FAM20C: variants seen among roughly 807,000 people sequenced by gnomAD.
The protein encoded by FAM20C is FAM20C golgi associated secretory pathway kinase.
FAM20C carries 40 observed loss-of-function variants against 51.5 expected under a neutral mutation model. The ratio of observed to expected loss-of-function variants is 0.78; its 90% confidence interval spans 0.60 to 1.01. The LOEUF (loss-of-function observed/expected upper bound fraction) is 1.01. Ranked by LOEUF, FAM20C falls within the 50% of genes least tolerant of loss-of-function variation. FAM20C has a pLI of 0.00. For missense variants in FAM20C, 861 were observed against 844.7 expected (o/e 1.02, Z -0.24); for synonymous variants, 406 against 380.6 (o/e 1.07, Z -0.78).
chr7:200,772 C>T (rs1394705680), intron 2 of FAM20C, among the ~76,000 whole-genome samples: 2 of 152,178 alleles, frequency 1.3e-5, no homozygotes, highest in South Asian at 2.1e-4. Context: ...TTGGGCAGTG[C>T]TGATGGGGCC....
chr7:236,110 G>A (rs1787839949), intron 3 of FAM20C, among the ~76,000 whole-genome samples: 2 of 152,180 alleles, frequency 1.3e-5, no homozygotes, highest in African/African-American at 4.8e-5. Flanking sequence ...CCCCTTCCGT[G>A]CAGAGGGTTC....
intron 2 of FAM20C, among the ~76,000 whole-genome samples, chr7:205,885 C>G (rs1050148703): frequency 1.3e-4 from 20 of 152,150 alleles, no homozygotes; most frequent in Non-Finnish European, 1.5e-5. Context: ...CCCAGCCAGC[C>G]GCCACCTGAG....
intron 3 of FAM20C, chr7:229,506 C>T (rs1787577645): frequency 6.3e-6 from 1 of 157,676 alleles, no homozygotes; most frequent in South Asian, 1.9e-4. Flanking sequence ...GCTCGCCGTC[C>T]TCACGCAAAC....
chr7:218,139 A>G (rs1766502181), intron 3 of FAM20C, among the ~76,000 whole-genome samples: 1 of 152,170 alleles, frequency 6.6e-6, no homozygotes, highest in Non-Finnish European at 1.5e-5. Flanking sequence ...AAACGGGGTC[A>G]CACGAGCTGC....
Position 193,613 on chromosome 7 carries a change from G to C in FAM20C, c.414G>C (p.Pro138=). 1 of 1,534,438 alleles carries C rather than the reference G, an allele frequency of 6.5e-7. No individual in the cohort carries two copies. Among genetic ancestry groups the C allele is most frequent in the Non-Finnish European group, 8.8e-7 (1 of 1,140,998 alleles). The change falls in exon 1 of 10, where the codon CCG becomes CCC. Residue 138 remains proline, a synonymous_variant. Coordinates refer to ENST00000313766, the MANE Select transcript of FAM20C (RefSeq NM_020223.4). ...GACCCCACGACCCCGCGCACCGGCCGCTGCTGCGAGACCCCGGCCCGCGTC... is the reference window on the plus strand; with the variant it reads ...GACCCCACGACCCCGCGCACCGGCCCCTGCTGCGAGACCCCGGCCCGCGTC... ...ALRPHDPAHR[P]LLRDPGPRRS...
In FAM20C at chr7:193,187, G is replaced by A. The variant is rs1218283532; in HGVS notation, c.-13G>A. The A allele has an allele frequency of 5.5e-6, 8 of 1,450,780 alleles. No individual in the cohort carries two copies. The highest frequency in any genetic ancestry group is 6.0e-5 in the East Asian group (2 of 33,514). The allele number at this position is 1,450,780 out of a possible 1,614,324, so 89.9% of individuals were successfully genotyped here. ...GCAGAACGCGCTCCAGGCCCGGGCCGGCCCGCGCGGCCATGAAGATGATGC... is the reference window on the plus strand; with the variant it reads ...GCAGAACGCGCTCCAGGCCCGGGCCAGCCCGCGCGGCCATGAAGATGATGC... On this transcript the variant is annotated 5_prime_UTR_variant, in exon 1 of 10. Coordinates refer to ENST00000313766, the MANE Select transcript of FAM20C (RefSeq NM_020223.4).
intron 2 of FAM20C, among the ~76,000 whole-genome samples, chr7:198,652 G>A (rs1242012754): frequency 2.0e-5 from 3 of 152,202 alleles, no homozygotes. Flanking sequence ...AATACCTGCA[G>A]TTCCCAAATA....
rs866444387 is a variant in FAM20C at position 220,953 on chromosome 7, T to C, written c.863+11977T>C. 5.9e-4 allele frequency among the ~76,000 whole-genome samples: 86 copies of C among 145,378 alleles called. 1 individual carries two copies. The highest frequency in any genetic ancestry group is 1.1e-3 in the African/African-American group (44 of 38,740). ...CAGGGCAGGGGGCTGCAGGAGCCGT[T>C]CTTAGCATCTGGGCACAGGGCGGAG... is the stretch of plus-strand genomic sequence containing the variant. On this transcript the variant is annotated intron_variant, in intron 3 of 9. Transcript: ENST00000313766.
At chr7:231,998 C>A (rs1787709211) in intron 3 of FAM20C, among the ~76,000 whole-genome samples, 1 of 152,214 alleles carries the variant, frequency 6.6e-6, no homozygotes. Flanking sequence ...GTCTCTGCCG[C>A]CGACCCGGCA....
At chr7:195,894 G>A (rs765528977) in intron 2 of FAM20C, among the ~76,000 whole-genome samples, 162 bp downstream of exon 2, 17 of 152,252 alleles carry the variant, frequency 1.1e-4, no homozygotes, top group Non-Finnish European at 1.5e-4. Flanking sequence ...GGGACAGAGG[G>A]CTCGCGTCTC....
At chr7:255,771 G>C in intron 5 of FAM20C, 78 bp from the exon 6 acceptor site, 5 of 1,486,390 alleles carry the variant, frequency 3.4e-6, no homozygotes, top group Non-Finnish European at 4.5e-6. Context: ...AGCCCGGCCC[G>C]GCCTTGGGGG....
At chr7:197,971 G>A (rs1159608365) in intron 2 of FAM20C, among the ~76,000 whole-genome samples, 2 of 152,230 alleles carry the variant, frequency 1.3e-5, no homozygotes, top group African/African-American at 4.8e-5. Context: ...TTGCAGGGGT[G>A]TGGACAGAGC....
chr7:208,351 C>G (rs28465193), intron 2 of FAM20C, among the ~76,000 whole-genome samples: 89,404 of 142,768 alleles, frequency 0.63, 26,957 homozygotes, highest in Middle Eastern at 0.7. Flanking sequence ...GTTGTGTGTA[C>G]TGTAGGGTGT....
chr7:217,743 C>CGGGAGA (rs1183853550), intron 3 of FAM20C, among the ~76,000 whole-genome samples: 1 of 152,072 alleles, frequency 6.6e-6, no homozygotes, highest in Middle Eastern at 3.2e-3. Context: ...ATAAGAAAGA[C>CGGGAGA]GGGAGAACAA....
intron 3 of FAM20C, among the ~76,000 whole-genome samples, chr7:242,050 C>T (rs1787963928): frequency 6.6e-6 from 1 of 152,214 alleles, no homozygotes; most frequent in East Asian, 1.9e-4. Context: ...CCTCCCTGGG[C>T]CTCAGTGTCC....
intron 5 of FAM20C, among the ~76,000 whole-genome samples, chr7:252,369 C>T (rs571265684): frequency 6.8e-6 from 1 of 148,146 alleles, no homozygotes; most frequent in African/African-American, 2.5e-5. Context: ...GAGGGCTGAG[C>T]CCACTGTAGA....
At chr7:203,796 G>A (rs1786231996) in intron 2 of FAM20C, among the ~76,000 whole-genome samples, 1 of 152,204 alleles carries the variant, frequency 6.6e-6, no homozygotes. Context: ...ACCAGATTTG[G>A]ATAATATGTT....
intron 8 of FAM20C, among the ~76,000 whole-genome samples, chr7:257,799 C>G (rs973419154): frequency 2.6e-5 from 3 of 116,132 alleles, no homozygotes; most frequent in Admixed American, 8.1e-5. Flanking sequence ...TGGAGATGGG[C>G]TGGGTGGACC....
rs1361833774 is a variant in FAM20C at position 193,459 on chromosome 7, C to G, written c.260C>G (p.Thr87Arg). The G allele has an allele frequency of 6.8e-7, 1 of 1,474,296 alleles. No homozygotes were observed. Among genetic ancestry groups the G allele is most frequent in the South Asian group, 1.3e-5 (1 of 77,572 alleles). The allele number at this position is 1,474,296 out of a possible 1,614,324, so 91.3% of individuals were successfully genotyped here. The change falls in exon 1 of 10, where the codon ACG (threonine) becomes AGG (arginine). Residue 87 changes from threonine (T) to arginine (R), a missense_variant. Physicochemically the swap from Thr to Arg is moderately conservative, Grantham distance 71. This residue lies in a region of FAM20C where 561 missense variants were observed against 499.8 expected (regional missense o/e 1.12). Transcript: ENST00000313766. ...GACGCGGGCTGGCCCAACAAGCACA[C>G]GCTCCGCATCCTGCAGGACTTCAGC... ...AGDAGWPNKH[T>R]LRILQDFSSD...
Sources: allele counts gnomAD v4.1 joint callset (sites outside exome capture counted in the v4.1 genomes callset), GRCh38; gene constraint gnomAD v4.1.1; regional missense constraint gnomAD v4.1.1; transcripts MANE v1.5; gene names NCBI Gene and HGNC (gene_info 2026-07-23, HGNC 2026-07-21).